Variants in CCNJL observed in about 807,000 individuals in gnomAD.
CCNJL encodes cyclin-J-like protein.
A neutral mutation model predicts 33.4 loss-of-function variants in CCNJL; 33 were observed. That is an observed-to-expected ratio of 0.99 (90% CI 0.75 to 1.32). The LOEUF (loss-of-function observed/expected upper bound fraction) is 1.32, where lower values mean the gene tolerates loss of function less well. Among genes scored for constraint, CCNJL ranks in the 40% most tolerant of loss-of-function variants. CCNJL has a pLI of 0.00. For missense variants in CCNJL, 512 were observed against 499.7 expected (o/e 1.02, Z -0.23); for synonymous variants, 227 against 220.9 (o/e 1.03, Z -0.24).
At chr5:160,268,208 A>T (rs1043516054) in intron 3 of CCNJL, among the ~76,000 whole-genome samples, 4 of 152,328 alleles carry the variant, frequency 2.6e-5, no homozygotes, top group Admixed American at 2.6e-4. Flanking sequence ...CAATTGATGG[A>T]GAGGGTGTGA....
At chr5:160,292,135 C>A (rs72812247) in intron 2 of CCNJL, among the ~76,000 whole-genome samples, 12,713 of 152,122 alleles carry the variant, frequency 0.084, 702 homozygotes, top group South Asian at 0.22. Flanking sequence ...CTTGGTAGAC[C>A]GAGGCACACA....
chr5:160,255,778 T>A, intron 4 of CCNJL, 70 bp from the exon 5 acceptor site: 1 of 1,361,130 alleles, frequency 7.3e-7, no homozygotes. Flanking sequence ...ACCCTGAGAA[T>A]GGATGGACAA....
intron 2 of CCNJL, among the ~76,000 whole-genome samples, chr5:160,286,699 T>C (rs973761391): frequency 3.9e-5 from 6 of 152,098 alleles, no homozygotes; most frequent in African/African-American, 1.4e-4. Context: ...CATAGCAATA[T>C]ATGGCAAGTA....
chr5:160,300,137 C>A (rs961616311), intron 2 of CCNJL, among the ~76,000 whole-genome samples: 3 of 152,162 alleles, frequency 2.0e-5, no homozygotes, highest in Admixed American at 6.5e-5. Flanking sequence ...GCATGGGTAT[C>A]CATGTCACAA....
At chr5:160,269,407 G>A (rs1280409217) in intron 3 of CCNJL, 2 of 456,372 alleles carry the variant, frequency 4.4e-6, no homozygotes, top group Admixed American at 2.3e-5. Context: ...GTTATCTCCT[G>A]TCACGAAAGA....
intron 2 of CCNJL, among the ~76,000 whole-genome samples, chr5:160,291,096 AAAGT>A (rs1331187818): frequency 6.6e-6 from 1 of 151,648 alleles, no homozygotes; most frequent in Non-Finnish European, 1.5e-5. Context: ...GAAAGAAAAG[AAAGT>A]AAGTGAGGGA....
At chr5:160,297,069 G>A (rs1395282350) in intron 2 of CCNJL, among the ~76,000 whole-genome samples, 1 of 152,124 alleles carries the variant, frequency 6.6e-6, no homozygotes, top group Non-Finnish European at 1.5e-5. Context: ...CTCAGCACAT[G>A]GTAAGCACCC....
intron 3 of CCNJL, among the ~76,000 whole-genome samples, chr5:160,273,058 A>C (rs1761893122): frequency 6.6e-6 from 1 of 152,246 alleles, no homozygotes; most frequent in Admixed American, 6.5e-5. Context: ...ACATACTATG[A>C]AGAAAGCACC....
At chr5:160,326,555 A>G (rs1346047663) in intron 1 of CCNJL, 5 of 455,626 alleles carry the variant, frequency 1.1e-5, no homozygotes, top group Non-Finnish European at 2.1e-5. Context: ...TAAATATTCA[A>G]AACGATTACA....
At chr5:160,278,070 G>A (rs1341798653) in intron 3 of CCNJL, among the ~76,000 whole-genome samples, 2 of 152,126 alleles carry the variant, frequency 1.3e-5, no homozygotes, top group African/African-American at 4.8e-5. Flanking sequence ...ACCATGCCCA[G>A]CTAATTTTGT....
At chr5:160,265,160 C>A (rs1173108266) in intron 3 of CCNJL, among the ~76,000 whole-genome samples, 1 of 152,200 alleles carries the variant, frequency 6.6e-6, no homozygotes, top group Non-Finnish European at 1.5e-5. Flanking sequence ...CCGTGTTCTG[C>A]ACTGTGCCCC....
chr5:160,325,993 C>G (rs577964997), intron 1 of CCNJL, among the ~76,000 whole-genome samples: 2 of 152,294 alleles, frequency 1.3e-5, no homozygotes, highest in East Asian at 1.9e-4. Flanking sequence ...CAGCCCTTTA[C>G]AAAAAAGTTT....
intron 1 of CCNJL, among the ~76,000 whole-genome samples, chr5:160,328,761 T>C (rs1442030415): frequency 6.6e-6 from 1 of 150,840 alleles, no homozygotes; most frequent in South Asian, 2.1e-4. Flanking sequence ...GTGCCTGTAG[T>C]CCCAGCTACT....
chr5:160,278,032 T>C (rs917920112), intron 3 of CCNJL, among the ~76,000 whole-genome samples: 2 of 152,214 alleles, frequency 1.3e-5, no homozygotes, highest in African/African-American at 4.8e-5. Flanking sequence ...CTCAGCTTCC[T>C]GAGTAGCTGG....
chr5:160,326,472 C>G (rs149200414), intron 1 of CCNJL, among the ~76,000 whole-genome samples: 2,050 of 110,180 alleles, frequency 0.019, 25 homozygotes, highest in Middle Eastern at 0.04. Context: ...GGCGACAGAG[C>G]TAGACTCTGT....
At chr5:160,331,161 A>G (rs937310207) in intron 1 of CCNJL, among the ~76,000 whole-genome samples, 6 of 147,764 alleles carry the variant, frequency 4.1e-5, no homozygotes, top group Non-Finnish European at 9.0e-5. Context: ...GCTCACCCTC[A>G]CTAGGACCCA....
intron 2 of CCNJL, 113 bp from the exon 3 acceptor site, chr5:160,280,851 A>G (rs755500612): frequency 2.6e-6 from 2 of 767,602 alleles, no homozygotes; most frequent in Non-Finnish European, 4.5e-6. Context: ...TTCCCTCCAT[A>G]CCCTTCTTAG....
chr5:160,316,972 G>A (rs1187555143), upstream of CCNJL, among the ~76,000 whole-genome samples: 1 of 152,228 alleles, frequency 6.6e-6, no homozygotes, highest in Non-Finnish European at 1.5e-5. Context: ...CTGTCCAGGG[G>A]AAGTTGAGGC....
chr5:160,271,677 C>T (rs1761838485), intron 3 of CCNJL, among the ~76,000 whole-genome samples: 3 of 152,250 alleles, frequency 2.0e-5, no homozygotes, highest in Non-Finnish European at 2.9e-5. Context: ...TGCCCTGTGC[C>T]GCGTGGCCAC....
Sources: allele counts gnomAD v4.1 joint callset (sites outside exome capture counted in the v4.1 genomes callset), GRCh38; gene constraint gnomAD v4.1.1; transcripts MANE v1.5; gene names NCBI Gene and HGNC (gene_info 2026-07-23, HGNC 2026-07-21).